CPEB1: variants seen among roughly 807,000 people sequenced by gnomAD.
CPEB1 encodes cytoplasmic polyadenylation element-binding protein 1.
Under a neutral mutation model 65.8 loss-of-function variants are expected in CPEB1, and 7 were observed. The observed-to-expected ratio is 0.11, with a 90% CI of 0.06 to 0.20. The LOEUF (loss-of-function observed/expected upper bound fraction) is 0.20. Ranked by LOEUF, CPEB1 falls within the 10% of genes least tolerant of loss-of-function variation. The pLI, the probability that CPEB1 is intolerant of heterozygous loss-of-function variation, is 1.00. For missense variants in CPEB1, 551 were observed against 712.2 expected (o/e 0.77, Z 2.58); for synonymous variants, 262 against 260.0 (o/e 1.01, Z -0.08).
chr15:82,614,879 G>GTA lies in CPEB1; in HGVS notation c.271+12312_271+12313dup, dbSNP rs201830435. Among the ~76,000 whole-genome samples, 692 of 113,300 alleles carry GTA rather than the reference G, an allele frequency of 6.1e-3. 3 individuals carry two copies. The highest frequency in any genetic ancestry group is 0.013 in the African/African-American group (454 of 34,610). The allele number at this position is 113,300 out of a possible 152,430, so 74.3% of individuals were successfully genotyped here. A position where few individuals can be genotyped will look rare whatever the true frequency, so the allele number is the denominator to read the frequency against. Reference sequence around the variant, plus strand: ...TGTGTGTGTGTGTGTGTGTGTGTGTGTATATATATATATGACCTCAGCCAA... The same window carrying GTA: ...TGTGTGTGTGTGTGTGTGTGTGTGTGTATATATATATATATGACCTCAGCCAA... On this transcript the variant is annotated intron_variant, in intron 3 of 12. Coordinates refer to ENST00000684509, the MANE Select transcript of CPEB1 (RefSeq NM_001365242.1).
At chr15:82,590,237 A>C (rs934464349) in intron 3 of CPEB1, among the ~76,000 whole-genome samples, 47 of 140,392 alleles carry the variant, frequency 3.3e-4, no homozygotes, top group Non-Finnish European at 2.0e-4. Context: ...AAAAAAAAAA[A>C]AAACAGTTGT....
In CPEB1 at chr15:82,626,903, CAT is replaced by C. The variant is rs1338888279; in HGVS notation, c.271+288_271+289del. Reference sequence around the variant, plus strand: ...AACATGGCTACCAGAAAATCTGTAACATATGTGATCCACATTATATCTCTTTA... The same window carrying C: ...AACATGGCTACCAGAAAATCTGTAACATGTGATCCACATTATATCTCTTTA... On this transcript the variant is annotated intron_variant, in intron 3 of 12. Coordinates refer to ENST00000684509, the MANE Select transcript of CPEB1 (RefSeq NM_001365242.1). Among the ~76,000 whole-genome samples, 15 of 152,328 alleles carry C rather than the reference CAT, an allele frequency of 9.8e-5. No individual in the cohort carries two copies. The East Asian group carries it at 1.9e-3, about 20-fold the overall frequency.
intron 3 of CPEB1, among the ~76,000 whole-genome samples, chr15:82,623,275 G>T (rs1387057610): frequency 6.6e-6 from 1 of 152,128 alleles, no homozygotes; most frequent in Admixed American, 6.5e-5. Context: ...TTATCAACTG[G>T]GTTATGCATG....
At chr15:82,586,496 A>T (rs1213638899) in intron 3 of CPEB1, among the ~76,000 whole-genome samples, 6 of 152,040 alleles carry the variant, frequency 3.9e-5, no homozygotes, top group African/African-American at 7.2e-5. Context: ...ATTCCCCTTT[A>T]AAAAAAATTA....
rs2034860762 is a variant in CPEB1, at chr15:82,544,780, TTC to T, written c.1657-80_1657-79del. ...CAGGAGCTGTTGCACGAGCTGCTTGTTCTGTTTGGAGAAGGGTGGGAGACTCC... is the reference window on the plus strand; with the variant it reads ...CAGGAGCTGTTGCACGAGCTGCTTGTTGTTTGGAGAAGGGTGGGAGACTCC... On this transcript the variant is annotated intron_variant, in intron 12 of 12. Transcript: ENST00000684509. 4 of 1,118,268 alleles carry T rather than the reference TTC, an allele frequency of 3.6e-6. No individual in the cohort carries two copies. The African/African-American group carries it at 6.1e-5, about 17-fold the overall frequency. The allele number at this position is 1,118,268 out of a possible 1,614,324, so 69.3% of individuals were successfully genotyped here.
chr15:82,598,460 G>A (rs923635400), intron 3 of CPEB1, among the ~76,000 whole-genome samples: 1 of 152,056 alleles, frequency 6.6e-6, no homozygotes, highest in Admixed American at 6.5e-5. Flanking sequence ...CACCACTCCA[G>A]CCTGAGTGAC....
At chr15:82,573,041 G>A (rs1233503006) in intron 3 of CPEB1, 1 of 1,534,888 alleles carries the variant, frequency 6.5e-7, no homozygotes, top group Non-Finnish European at 8.7e-7. Flanking sequence ...CACTCCACCT[G>A]CTTGTTCTCC....
At chr15:82,558,964 T>C (rs1472755477) in intron 4 of CPEB1, among the ~76,000 whole-genome samples, 1 of 152,044 alleles carries the variant, frequency 6.6e-6, no homozygotes, top group African/African-American at 2.4e-5. Flanking sequence ...TTTTTTTTTT[T>C]TTTCATCTGA....
At chr15:82,599,144 T>C (rs1425817039) in intron 3 of CPEB1, among the ~76,000 whole-genome samples, 1 of 151,346 alleles carries the variant, frequency 6.6e-6, no homozygotes, top group Non-Finnish European at 1.5e-5. Flanking sequence ...ATGAAAAACT[T>C]AATAATGAGG....
At chr15:82,626,441 A>C (rs1476892649) in intron 3 of CPEB1, among the ~76,000 whole-genome samples, 1 of 152,180 alleles carries the variant, frequency 6.6e-6, no homozygotes, top group Non-Finnish European at 1.5e-5. Context: ...CCAAAAAACA[A>C]AAAGAAAGAA....
intron 3 of CPEB1, among the ~76,000 whole-genome samples, chr15:82,581,216 T>C (rs937973709): frequency 3.3e-5 from 5 of 152,164 alleles, no homozygotes; most frequent in African/African-American, 1.2e-4. Flanking sequence ...GCTCAAATGA[T>C]CCTTCCTTGC....
intron 3 of CPEB1, among the ~76,000 whole-genome samples, chr15:82,625,345 G>C (rs2045667254): frequency 6.6e-6 from 1 of 151,822 alleles, no homozygotes; most frequent in African/African-American, 2.4e-5. Flanking sequence ...CTGTACGACA[G>C]AAGCAAATGC....
intron 9 of CPEB1, among the ~76,000 whole-genome samples, chr15:82,552,231 C>G (rs987631633): frequency 3.3e-5 from 5 of 150,612 alleles, no homozygotes; most frequent in Non-Finnish European, 7.4e-5. Context: ...GACGGGCAGA[C>G]AGTTTGATTA....
chr15:82,639,624 A>G (rs1270447407), intron 1 of CPEB1, among the ~76,000 whole-genome samples: 1 of 152,220 alleles, frequency 6.6e-6, no homozygotes, highest in African/African-American at 2.4e-5. Context: ...AAGGGTGTAC[A>G]GAAAAGATTT....
At chr15:82,589,859 A>G (rs955931881) in intron 3 of CPEB1, among the ~76,000 whole-genome samples, 1 of 152,212 alleles carries the variant, frequency 6.6e-6, no homozygotes, top group African/African-American at 2.4e-5. Flanking sequence ...AGTATTCCCG[A>G]AACAATACAG....
intron 3 of CPEB1, among the ~76,000 whole-genome samples, chr15:82,602,448 C>T (rs555928564): frequency 6.6e-6 from 1 of 152,262 alleles, no homozygotes; most frequent in East Asian, 1.9e-4. Flanking sequence ...CTTTGGGAGG[C>T]TCAGATGGGA....
At chr15:82,596,741 G>C (rs1215790374) in intron 3 of CPEB1, among the ~76,000 whole-genome samples, 1 of 149,158 alleles carries the variant, frequency 6.7e-6, no homozygotes, top group Non-Finnish European at 1.5e-5. Context: ...ATTATTTATA[G>C]CAAGAAGATA....
intron 3 of CPEB1, among the ~76,000 whole-genome samples, chr15:82,573,442 G>A (rs2040309218): frequency 6.6e-6 from 1 of 151,910 alleles, no homozygotes; most frequent in Non-Finnish European, 1.5e-5. Context: ...CTCAAGCTAA[G>A]GATATACTTT....
intron 3 of CPEB1, among the ~76,000 whole-genome samples, chr15:82,579,579 T>G (rs2041027213): frequency 6.6e-6 from 1 of 152,184 alleles, no homozygotes; most frequent in South Asian, 2.1e-4. Flanking sequence ...TTTATGTACT[T>G]TTGTTGTTAC....
Sources: allele counts gnomAD v4.1 joint callset (sites outside exome capture counted in the v4.1 genomes callset), GRCh38; gene constraint gnomAD v4.1.1; transcripts MANE v1.5; gene names NCBI Gene and HGNC (gene_info 2026-07-23, HGNC 2026-07-21).